The following TBC1D12 variants were observed in gnomAD, a reference collection of about 807,000 sequenced individuals.
TBC1D12 encodes the protein TBC1 domain family member 12, also known as TBC1 domain family, member 12.
TBC1D12 carries 56 observed loss-of-function variants against 86.7 expected under a neutral mutation model. The ratio of observed to expected loss-of-function variants is 0.65; its 90% CI spans 0.52 to 0.81. TBC1D12 has a LOEUF of 0.81. Among genes scored for constraint, TBC1D12 ranks in the 30% least tolerant of loss-of-function variants. TBC1D12 has a pLI of 0.00. For missense variants in TBC1D12, 1,023 were observed against 1,038.8 expected, an observed-to-expected ratio of 0.98 and a Z score of 0.21; for synonymous variants, 421 against 411.7, an observed-to-expected ratio of 1.02 and a Z score of -0.27.
chr10:94,502,045 T>G (rs2056404861), intron 6 of TBC1D12, among the ~76,000 whole-genome samples: 1 of 151,286 alleles, frequency 6.6e-6, no homozygotes, highest in African/African-American at 2.4e-5. Context: ...AATAAATAAA[T>G]AATTTGGCCA....
intron 9 of TBC1D12, among the ~76,000 whole-genome samples, chr10:94,513,201 C>T (rs1040315915): frequency 3.4e-5 from 5 of 148,258 alleles, no homozygotes; most frequent in Admixed American, 1.4e-4. Flanking sequence ...GAGCCAAGAT[C>T]GTGCCACTGC....
intron 3 of TBC1D12, among the ~76,000 whole-genome samples, chr10:94,484,844 G>A (rs909014351): frequency 2.0e-5 from 3 of 151,886 alleles, no homozygotes; most frequent in Admixed American, 6.6e-5. Flanking sequence ...TAATTCCTAG[G>A]TATTTAATTT....
intron 3 of TBC1D12, among the ~76,000 whole-genome samples, chr10:94,488,921 A>G (rs989653490): frequency 6.6e-6 from 1 of 152,052 alleles, no homozygotes; most frequent in Non-Finnish European, 1.5e-5. Context: ...CCTCAAGTGG[A>G]AGAAGAAAGG....
intron 1 of TBC1D12, among the ~76,000 whole-genome samples, chr10:94,441,420 C>G (rs1485509222): frequency 6.6e-6 from 1 of 151,910 alleles, no homozygotes; most frequent in Non-Finnish European, 1.5e-5. Flanking sequence ...AGAATTTTGG[C>G]TCTTATTGTT....
At chr10:94,502,137 A>G (rs1376008604) in intron 6 of TBC1D12, among the ~76,000 whole-genome samples, 1 of 151,914 alleles carries the variant, frequency 6.6e-6, no homozygotes, top group African/African-American at 2.4e-5. Context: ...ATTTGAGACC[A>G]GTCTGACCAA....
intron 9 of TBC1D12, among the ~76,000 whole-genome samples, chr10:94,520,216 G>A (rs1842107535): frequency 6.6e-6 from 1 of 152,198 alleles, no homozygotes; most frequent in African/African-American, 2.4e-5. Flanking sequence ...AAAATAGTAT[G>A]GTAATGGAGT....
At chr10:94,487,615 T>C (rs2056184793) in intron 3 of TBC1D12, among the ~76,000 whole-genome samples, 1 of 151,806 alleles carries the variant, frequency 6.6e-6, no homozygotes, top group Non-Finnish European at 1.5e-5. Context: ...CACTTCAACC[T>C]CATCCTCCTG....
intron 1 of TBC1D12, among the ~76,000 whole-genome samples, chr10:94,421,830 T>C (rs893238269): frequency 1.3e-5 from 2 of 152,254 alleles, no homozygotes; most frequent in Non-Finnish European, 2.9e-5. Context: ...ATACCATCTT[T>C]GCAAAAATGT....
chr10:94,499,229 G>A (rs2134186666), intron 5 of TBC1D12, among the ~76,000 whole-genome samples: 1 of 152,202 alleles, frequency 6.6e-6, no homozygotes, highest in Admixed American at 6.5e-5. Context: ...ATTTATTATA[G>A]TCACCATTCT....
At chr10:94,417,677 T>C (rs2055016723) in intron 1 of TBC1D12, among the ~76,000 whole-genome samples, 1 of 152,116 alleles carries the variant, frequency 6.6e-6, no homozygotes, top group Non-Finnish European at 1.5e-5. Context: ...TTATCAGCCA[T>C]TTTTGAGGAT....
chr10:94,427,857 A>AG (rs1288205382), intron 1 of TBC1D12, among the ~76,000 whole-genome samples: 4 of 147,590 alleles, frequency 2.7e-5, no homozygotes, highest in African/African-American at 1.0e-4. Flanking sequence ...AAAAAAAAAA[A>AG]GGAAAGAAAA....
intron 1 of TBC1D12, among the ~76,000 whole-genome samples, chr10:94,409,071 TAGCTCAAG>T (rs1289142613): frequency 1.3e-5 from 2 of 152,200 alleles, no homozygotes; most frequent in Non-Finnish European, 2.9e-5. Flanking sequence ...ATTGGGGAGC[TAGCTCAAG>T]AGCCTTTTAT....
At chr10:94,422,299 C>T (rs1265561409) in intron 1 of TBC1D12, among the ~76,000 whole-genome samples, 7 of 149,686 alleles carry the variant, frequency 4.7e-5, no homozygotes, top group African/African-American at 1.5e-4. Flanking sequence ...AAGCAATTCT[C>T]GTGCCTCAGC....
intron 7 of TBC1D12, chr10:94,509,368 CA>C (rs2056500548): frequency 6.6e-6 from 1 of 152,210 alleles, no homozygotes; most frequent in Non-Finnish European, 1.5e-5. Context: ...GCTAGGATTA[CA>C]GGCATGAGCC....
intron 3 of TBC1D12, among the ~76,000 whole-genome samples, chr10:94,488,997 C>A (rs1215669858): frequency 6.6e-6 from 1 of 152,152 alleles, no homozygotes; most frequent in East Asian, 1.9e-4. Context: ...AGCACTCCCC[C>A]AAATGTCCTG....
intron 1 of TBC1D12, among the ~76,000 whole-genome samples, chr10:94,431,843 C>T (rs1231093471): frequency 6.6e-6 from 1 of 152,102 alleles, no homozygotes; most frequent in East Asian, 1.9e-4. Context: ...AATTTGGTCC[C>T]TCAGGTGGGG....
intron 1 of TBC1D12, 98 bp downstream of exon 1, chr10:94,403,682 A>AGCGGG (rs1589593295): frequency 2.2e-6 from 2 of 899,486 alleles, no homozygotes; most frequent in Admixed American, 4.1e-5. Flanking sequence ...GCCGGAGCGG[A>AGCGGG]GAGCTTGGTC....
intron 1 of TBC1D12, among the ~76,000 whole-genome samples, chr10:94,427,034 C>T (rs1267559825): frequency 6.6e-6 from 1 of 152,102 alleles, no homozygotes; most frequent in African/African-American, 2.4e-5. Context: ...CTGTCATCCC[C>T]AAAAGAAACC....
At chr10:94,411,349 A>G (rs480032) in intron 1 of TBC1D12, among the ~76,000 whole-genome samples, 105,799 of 152,094 alleles carry the variant, frequency 0.7, 37,600 homozygotes, top group African/African-American at 0.84. Context: ...CTTCCAGACC[A>G]TGAGTTATTT....
Sources: allele counts gnomAD v4.1 joint callset (sites outside exome capture counted in the v4.1 genomes callset), GRCh38; gene constraint gnomAD v4.1.1; transcripts MANE v1.5; gene names NCBI Gene and HGNC (gene_info 2026-07-23, HGNC 2026-07-21).